Variants in HMGN3 observed in about 807,000 individuals in gnomAD.
The protein encoded by HMGN3 is high mobility group nucleosomal binding domain 3.
Under a neutral mutation model 18.8 loss-of-function variants are expected in HMGN3, and 6 were observed. The ratio of observed to expected loss-of-function variants is 0.32; its 90% CI spans 0.18 to 0.63. The LOEUF (loss-of-function observed/expected upper bound fraction) is 0.63. HMGN3 is among the 30% of genes least tolerant of loss of function. HMGN3 has a pLI of 0.79. For missense variants in HMGN3, 107 were observed against 114.2 expected (o/e 0.94, Z 0.29); for synonymous variants, 40 against 36.5 (o/e 1.10, Z -0.35).
At chr6:79,229,767 A>G (rs1777747985) in intron 1 of HMGN3, among the ~76,000 whole-genome samples, 1 of 151,962 alleles carries the variant, frequency 6.6e-6, no homozygotes, top group African/African-American at 2.4e-5. Flanking sequence ...AGTCCCAGCT[A>G]CTCGGGAGAC....
Position 79,203,567 on chromosome 6 carries a change from C to T in HMGN3, c.147+13G>A, listed in dbSNP as rs145986001. On this transcript the variant is annotated intron_variant, in intron 4 of 5. Transcript: ENST00000344726. ...TGTTTAAAAAGCCAAAAGTGGGAAACAGCACTTCTTACCTTAGCAGATGTT... is the reference window on the plus strand; with the variant it reads ...TGTTTAAAAAGCCAAAAGTGGGAAATAGCACTTCTTACCTTAGCAGATGTT... 131 of 1,609,164 alleles carry T rather than the reference C, an allele frequency of 8.1e-5. No homozygotes were observed. The African/African-American group carries it at 1.5e-3, about 18-fold the overall frequency.
intron 2 of HMGN3, among the ~76,000 whole-genome samples, chr6:79,211,158 C>T (rs1261114953): frequency 2.0e-5 from 3 of 152,028 alleles, no homozygotes; most frequent in African/African-American, 7.2e-5. Flanking sequence ...ACTTTTCTTA[C>T]ATTTTCTTTT....
chr6:79,213,878 AC>A (rs1406861197), intron 2 of HMGN3, among the ~76,000 whole-genome samples: 5 of 152,060 alleles, frequency 3.3e-5, no homozygotes, highest in Admixed American at 6.6e-5. Context: ...CTCACCCATG[AC>A]CCCTTTTAGT....
intron 1 of HMGN3, among the ~76,000 whole-genome samples, chr6:79,231,576 T>C (rs138915523): frequency 6.6e-6 from 1 of 152,200 alleles, no homozygotes; most frequent in Non-Finnish European, 1.5e-5. Flanking sequence ...AAGATACACA[T>C]AAAACTTACA....
At chr6:79,218,742 TTTA>T (rs1288182637) in intron 1 of HMGN3, among the ~76,000 whole-genome samples, 31 of 152,188 alleles carry the variant, frequency 2.0e-4, no homozygotes, top group African/African-American at 7.5e-4. Flanking sequence ...TAGATGGTGG[TTTA>T]TTATTATGTA....
intron 1 of HMGN3, among the ~76,000 whole-genome samples, chr6:79,219,071 A>G (rs1024644963): frequency 6.6e-6 from 1 of 152,172 alleles, no homozygotes; most frequent in Non-Finnish European, 1.5e-5. Flanking sequence ...AGACATAATG[A>G]CTATTTTCCC....
intron 1 of HMGN3, among the ~76,000 whole-genome samples, chr6:79,229,905 T>G (rs1299256999): frequency 6.6e-6 from 1 of 152,058 alleles, no homozygotes; most frequent in Non-Finnish European, 1.5e-5. Flanking sequence ...AACATAGACT[T>G]TCATACCACC....
intron 1 of HMGN3, among the ~76,000 whole-genome samples, chr6:79,220,778 A>G (rs569595199): frequency 6.6e-6 from 1 of 152,272 alleles, no homozygotes; most frequent in South Asian, 2.1e-4. Flanking sequence ...TGCACAAATC[A>G]ATATTATGGA....
At chr6:79,210,428 T>C (rs552327691) in intron 2 of HMGN3, among the ~76,000 whole-genome samples, 2 of 152,278 alleles carry the variant, frequency 1.3e-5, no homozygotes, top group South Asian at 4.1e-4. Flanking sequence ...CTTATCTGAC[T>C]CTCTCTCCAC....
intron 2 of HMGN3, 45 bp downstream of exon 2, chr6:79,214,927 T>A: frequency 9.8e-7 from 1 of 1,025,588 alleles, no homozygotes. Flanking sequence ...ATATTAAACA[T>A]TTCAATGTAA....
intron 1 of HMGN3, among the ~76,000 whole-genome samples, chr6:79,227,718 T>C (rs187725541): frequency 1.3e-5 from 2 of 152,350 alleles, no homozygotes; most frequent in Admixed American, 6.5e-5. Context: ...TTAGATCATA[T>C]AGCTAATAAA....
At chr6:79,229,835 G>A (rs1777753446) in intron 1 of HMGN3, among the ~76,000 whole-genome samples, 1 of 151,944 alleles carries the variant, frequency 6.6e-6, no homozygotes. Flanking sequence ...CTGAGATCGC[G>A]CTACTGCCCT....
intron 1 of HMGN3, among the ~76,000 whole-genome samples, chr6:79,231,294 G>A (rs1186718824): frequency 5.3e-5 from 8 of 152,082 alleles, no homozygotes; most frequent in Non-Finnish European, 7.3e-5. Context: ...TGACCACTGC[G>A]GGCATTTGTG....
At chr6:79,203,203 C>A (rs1776236078) in intron 4 of HMGN3, among the ~76,000 whole-genome samples, 2 of 152,132 alleles carry the variant, frequency 1.3e-5, no homozygotes, top group African/African-American at 2.4e-5. Context: ...CTCAGACTGG[C>A]CTGCGAAATC....
chr6:79,232,186 T>A (rs1777873526), intron 1 of HMGN3, among the ~76,000 whole-genome samples: 1 of 152,216 alleles, frequency 6.6e-6, no homozygotes, highest in Admixed American at 6.5e-5. Flanking sequence ...TACCCCAGCT[T>A]TGAAGATCTT....
intron 1 of HMGN3, among the ~76,000 whole-genome samples, chr6:79,230,968 C>A (rs1477341976): frequency 6.6e-6 from 1 of 152,156 alleles, no homozygotes; most frequent in Admixed American, 6.5e-5. Context: ...ACTGGGCCTT[C>A]CATTTTAAGG....
In HMGN3 at chr6:79,203,772, G is replaced by A. The variant is rs1776270371; in HGVS notation, c.97-142C>T. On this transcript the variant is annotated intron_variant, in intron 3 of 5. Transcript: ENST00000344726. ...TAAAAAGTATTTCATCCTATTTTCA[G>A]CACCAGGTAACAGCATAAAGATCTC... The A allele has an allele frequency of 1.6e-5, 11 of 673,186 alleles. 1 individual carries two copies. In the South Asian group the frequency reaches 2.0e-4, roughly 12 times the overall value. 41.7% of individuals were successfully genotyped at this position (673,186 alleles called of 1,614,324 possible). A position where few individuals can be genotyped will look rare whatever the true frequency, so the allele number is the denominator to read the frequency against.
intron 2 of HMGN3, among the ~76,000 whole-genome samples, chr6:79,211,201 C>T (rs1233166139): frequency 6.6e-6 from 1 of 152,096 alleles, no homozygotes; most frequent in African/African-American, 2.4e-5. Flanking sequence ...TTCGTTTTCA[C>T]TGCAAACAGT....
chr6:79,213,467 G>C (rs1776800696), intron 2 of HMGN3, among the ~76,000 whole-genome samples: 1 of 112,436 alleles, frequency 8.9e-6, no homozygotes, highest in Non-Finnish European at 1.8e-5. Flanking sequence ...AAATGCTTTT[G>C]TTTTGGTGTC....
Sources: gnomAD v4.1 joint callset for allele counts (sites outside exome capture counted in the v4.1 genomes callset) on GRCh38, gnomAD v4.1.1 for gene constraint, MANE v1.5 for transcripts, NCBI Gene and HGNC (gene_info 2026-07-23, HGNC 2026-07-21) for gene names.